The following CUZD1 variants were observed in gnomAD, a reference collection of about 807,000 sequenced individuals.
CUZD1 encodes CUB and zona pellucida like domains 1.
In CUZD1, 42 loss-of-function variants were observed where a neutral mutation model predicts 53.1. That is an observed-to-expected ratio of 0.79 (90% CI 0.62 to 1.02). CUZD1 has a LOEUF of 1.02. Among genes scored for constraint, CUZD1 ranks in the 50% least tolerant of loss-of-function variants. CUZD1 has a pLI of 0.00. For synonymous variants in CUZD1, 238 were observed against 257.2 expected (o/e 0.93, Z 0.71); for missense variants, 670 against 715.7 (o/e 0.94, Z 0.73).
intron 2 of CUZD1, among the ~76,000 whole-genome samples, chr10:122,840,653 A>C (rs1053717130): frequency 6.6e-6 from 1 of 152,122 alleles, no homozygotes; most frequent in Admixed American, 6.5e-5. Context: ...TCACCTGGGC[A>C]CTTATAAAAA....
chr10:122,836,487 G>C, intron 5 of CUZD1, 137 bp from the exon 6 acceptor site: 1 of 739,878 alleles, frequency 1.4e-6, no homozygotes, highest in South Asian at 2.1e-5. Context: ...ATAAATTTGA[G>C]ATAGCCAAGC....
rs1293220979 is a variant in CUZD1 at position 122,832,400 on chromosome 10, T to C, written c.1702A>G (p.Ser568Gly). The change falls in exon 9 of 9, where the codon AGT (serine) becomes GGT (glycine). Residue 568 changes from serine to glycine, a missense_variant. Coordinates refer to ENST00000392790, the MANE Select transcript of CUZD1 (RefSeq NM_022034.6). Reference sequence around the variant, plus strand: ...ACCATGAAGGAAAACAGATGCACACTGTTGAAAGGCTGGTTTGGAGTTTCT... The same window carrying C: ...ACCATGAAGGAAAACAGATGCACACCGTTGAAAGGCTGGTTTGGAGTTTCT... ...AEETPNQPFN[S>G]VHLFSFMVLA... 1.2e-6 allele frequency: 2 copies of C among 1,614,042 alleles called. No individual in the cohort carries two copies. The highest frequency in any genetic ancestry group is 1.7e-5 in the Admixed American group (1 of 60,004).
rs375496918 is a variant in CUZD1 at position 122,839,008 on chromosome 10, A to G, written c.448+9T>C. On this transcript the variant is annotated intron_variant, in intron 3 of 8. Transcript: ENST00000392790. ...GATGTGGGTGAAGGTTGTGTAAATG[A>G]GGACTTACAGATGTTAGGAGAGAAG... 41 of 1,600,406 alleles carry G rather than the reference A, an allele frequency of 2.6e-5. No homozygotes were observed. In the East Asian group the frequency reaches 5.4e-4, roughly 21 times the overall value.
In CUZD1 at chr10:122,841,260, G is replaced by T. The variant is rs773123161; in HGVS notation, c.151C>A (p.Gln51Lys). The T allele has an allele frequency of 1.2e-5, 19 of 1,613,882 alleles. No homozygotes were observed. In the African/African-American group the frequency reaches 2.3e-4, roughly 19 times the overall value. Residue 51 changes from glutamine to lysine, a missense_variant, in exon 2 of 9, where the codon CAA (glutamine) becomes AAA (lysine). Coordinates refer to ENST00000392790, the MANE Select transcript of CUZD1 (RefSeq NM_022034.6). ...MAETHKAMIL[Q>K]LNPSENCTWT... ...GTGCAGTTCTCACTGGGATTGAGTT[G>T]CAGGATCATGGCTTTGTGGGTCTCT...
At chr10:122,844,492 A>C (rs1477512202) in intron 1 of CUZD1, among the ~76,000 whole-genome samples, 2 of 152,166 alleles carry the variant, frequency 1.3e-5, no homozygotes, top group Non-Finnish European at 2.9e-5. Context: ...GCTGTTATTA[A>C]AAAGGAGAAA....
At position 122,836,278 on chromosome 10, in the gene CUZD1, T is replaced by C; in HGVS notation, c.890A>G (p.Asn297Ser). 2 of 1,612,160 alleles carry C rather than the reference T, an allele frequency of 1.2e-6. No homozygotes were observed. Among genetic ancestry groups the C allele is most frequent in the South Asian group, 1.1e-5 (1 of 90,882 alleles). ...GTCTTTTAGTTGCAAGTTATTCCCA[T>C]TAGAGTTAAAAGCCTCTAGGTAGGA... ...SKSYLEAFNSNGNNLQLKDPT... is the reference protein window; with the variant it reads ...SKSYLEAFNSSGNNLQLKDPT... The change falls in exon 6 of 9, where the codon AAT becomes AGT. Residue 297 changes from asparagine to serine, a missense_variant. Transcript: ENST00000392790.
chr10:122,839,029 A>G lies in CUZD1; in HGVS notation c.436T>C (p.Ser146Pro). The G allele has an allele frequency of 6.2e-7, 1 of 1,613,518 alleles. No homozygotes were observed. Among genetic ancestry groups the G allele is most frequent in the Non-Finnish European group, 8.5e-7 (1 of 1,179,476 alleles). The change falls in exon 3 of 9, where the codon TCT becomes CCT. Residue 146 changes from serine (S) to proline (P), a missense_variant. Coordinates refer to ENST00000392790, the MANE Select transcript of CUZD1 (RefSeq NM_022034.6). ...RTVFVFYYFFSPNISIPNCGG... is the reference protein window; with the variant it reads ...RTVFVFYYFFPPNISIPNCGG... ...AATGAGGACTTACAGATGTTAGGAGAGAAGAAGTAGTAGAAGACAAAGACA... is the reference window on the plus strand; with the variant it reads ...AATGAGGACTTACAGATGTTAGGAGGGAAGAAGTAGTAGAAGACAAAGACA...
chr10:122,838,869 C>T (rs1847292596), intron 3 of CUZD1, 148 bp downstream of exon 3: 4 of 634,520 alleles, frequency 6.3e-6, no homozygotes, highest in South Asian at 5.8e-5. Flanking sequence ...TTCTTATGCA[C>T]ATGTAAGTTA....
chr10:122,837,558 A>C lies in CUZD1; in HGVS notation c.449-4T>G. 1 of 1,557,002 alleles carries C rather than the reference A, an allele frequency of 6.4e-7. No homozygotes were observed. Among genetic ancestry groups the C allele is most frequent in the Non-Finnish European group, 8.6e-7 (1 of 1,157,036 alleles). ...TAACCGCCACAGTTTGGAATAGCTG[A>C]AATGGATGTGAAGGTGGTCAAGAAT... On this transcript the variant is annotated splice_region_variant and splice_polypyrimidine_tract_variant and intron_variant, in intron 3 of 8. Transcript: ENST00000392790.
chr10:122,836,074 T>G, intron 6 of CUZD1, 104 bp downstream of exon 6: 1 of 1,058,062 alleles, frequency 9.5e-7, no homozygotes, highest in Non-Finnish European at 1.3e-6. Context: ...GCCACTAAAA[T>G]TTGGGGGTCG....
In CUZD1 at chr10:122,837,042, T is replaced by A; in HGVS notation, c.606A>T (p.Glu202Asp). 1 of 1,609,544 alleles carries A rather than the reference T, an allele frequency of 6.2e-7. No homozygotes were observed. Among genetic ancestry groups the A allele is most frequent in the African/African-American group, 1.3e-5 (1 of 74,946 alleles). Residue 202 changes from glutamate to aspartate, a missense_variant, in exon 5 of 9, where the codon GAA becomes GAT. Transcript: ENST00000392790. ...IKLNFKEIFL[E>D]IDKQCKFDFL... is the part of the protein sequence containing the mutation. Reference sequence around the variant, plus strand: ...AATCAAATTTGCACTGTTTGTCTATTTCTAGGCTAGAGAATGAGGGCCTCT... The same window carrying A: ...AATCAAATTTGCACTGTTTGTCTATATCTAGGCTAGAGAATGAGGGCCTCT...
chr10:122,842,405 CT>C (rs1428487498), intron 1 of CUZD1, among the ~76,000 whole-genome samples: 1 of 152,160 alleles, frequency 6.6e-6, no homozygotes, highest in Non-Finnish European at 1.5e-5. Context: ...GCCTTTGCAC[CT>C]TTGTCAAAAA....
intron 2 of CUZD1, 95 bp from the exon 3 acceptor site, chr10:122,839,326 A>C: frequency 1.9e-6 from 2 of 1,058,018 alleles, no homozygotes; most frequent in Admixed American, 2.0e-5. Context: ...AAATTTACAA[A>C]GTGGTGGCAC....
Position 122,841,280 on chromosome 10 carries a change from G to T in CUZD1, c.131C>A (p.Thr44Asn), listed in dbSNP as rs1175786130. 1.2e-6 allele frequency: 2 copies of T among 1,613,932 alleles called. No homozygotes were observed. The highest frequency in any genetic ancestry group is 1.7e-6 in the Non-Finnish European group (2 of 1,179,902). ...VSLGGANMAE[T>N]HKAMILQLNP... ...GAGTTGCAGGATCATGGCTTTGTGG[G>T]TCTCTGCCATATTGGCACCCCCTAG... The change falls in exon 2 of 9, where the codon ACC becomes AAC. Residue 44 changes from threonine (T) to asparagine (N), a missense_variant. By Grantham distance (65) the Thr-to-Asn change is moderately conservative. Coordinates refer to ENST00000392790, the MANE Select transcript of CUZD1 (RefSeq NM_022034.6).
chr10:122,838,764 T>C (rs1416138703), intron 3 of CUZD1, among the ~76,000 whole-genome samples: 1 of 152,182 alleles, frequency 6.6e-6, no homozygotes, highest in Middle Eastern at 3.2e-3. Context: ...GGGAGCTAGT[T>C]AGAAAGTCAA....
Position 122,832,232 on chromosome 10 carries a change from T to C in CUZD1, c.*46A>G. 6.3e-7 allele frequency: 1 copy of C among 1,597,260 alleles called. No homozygotes were observed. Among genetic ancestry groups the C allele is most frequent in the Non-Finnish European group, 8.6e-7 (1 of 1,167,152 alleles). On this transcript the variant is annotated 3_prime_UTR_variant, in exon 9 of 9. Coordinates refer to ENST00000392790, the MANE Select transcript of CUZD1 (RefSeq NM_022034.6). ...GTGTAGCCACGAGGTAGCATTTCCT[T>C]TGGCATCCTGGAGAAACATGTCTCA...
At chr10:122,833,394 A>C (rs1399418202) in intron 8 of CUZD1, among the ~76,000 whole-genome samples, 1 of 152,184 alleles carries the variant, frequency 6.6e-6, no homozygotes, top group Non-Finnish European at 1.5e-5. Context: ...CAGAAAACTA[A>C]AAGAAACTTG....
rs945656473 is a variant in CUZD1, at chr10:122,835,146, T to G, written c.991-49A>C. The G allele has an allele frequency of 5.0e-6, 7 of 1,410,692 alleles. No individual in the cohort carries two copies. The African/African-American group carries it at 1.0e-4, about 20-fold the overall frequency. The allele number at this position is 1,410,692 out of a possible 1,614,324, so 87.4% of individuals were successfully genotyped here. On this transcript the variant is annotated intron_variant, in intron 6 of 8. Coordinates refer to ENST00000392790, the MANE Select transcript of CUZD1 (RefSeq NM_022034.6). ...TTTTTATATTTTAAGTCCAGTAATATTTTAGAGCATAGATGTGGATAACAT... is the reference window on the plus strand; with the variant it reads ...TTTTTATATTTTAAGTCCAGTAATAGTTTAGAGCATAGATGTGGATAACAT...
At chr10:122,841,403 T>A in intron 1 of CUZD1, 75 bp from the exon 2 acceptor site, 1 of 1,426,364 alleles carries the variant, frequency 7.0e-7, no homozygotes, top group Non-Finnish European at 9.4e-7. Context: ...GGAATCTACC[T>A]CTCACATGTA....
Sources: allele counts gnomAD v4.1 joint callset (sites outside exome capture counted in the v4.1 genomes callset), GRCh38; gene constraint gnomAD v4.1.1; transcripts MANE v1.5; gene names NCBI Gene and HGNC (gene_info 2026-07-23, HGNC 2026-07-21).